TMEM156: variants seen among roughly 807,000 people sequenced by gnomAD.
TMEM156 encodes transmembrane protein 156.
A neutral mutation model predicts 30.5 loss-of-function variants in TMEM156; 28 were observed. The ratio of observed to expected loss-of-function variants is 0.92; its 90% CI spans 0.68 to 1.26. The LOEUF (loss-of-function observed/expected upper bound fraction) is 1.26. Among genes scored for constraint, TMEM156 ranks in the 50% most tolerant of loss-of-function variants. The pLI is 0.00. For missense variants in TMEM156, 351 were observed against 340.6 expected, an observed-to-expected ratio of 1.03 and a Z score of -0.24; for synonymous variants, 137 against 119.9, an observed-to-expected ratio of 1.14 and a Z score of -0.93.
At chr4:38,995,264 A>G (rs1312063861) in intron 2 of TMEM156, among the ~76,000 whole-genome samples, 1 of 152,222 alleles carries the variant, frequency 6.6e-6, no homozygotes, top group Non-Finnish European at 1.5e-5. Context: ...AAATAATGTC[A>G]TATTCTGAGG....
At position 38,998,872 on chromosome 4, in the gene TMEM156, C is replaced by T. The variant is rs1186100788; in HGVS notation, c.126G>A (p.Leu42=). Residue 42 remains leucine, a synonymous_variant, in exon 2 of 7, where the codon TTG becomes TTA. Transcript: ENST00000381938. The part of the protein sequence containing the change: ...TLELSCLEVC[L]QSNFTYSLSS... ...AGAGTGAATAGGTAAAATTAGATTGCAAACACACTTCCAGACATGATAGCT... is the reference window on the plus strand; with the variant it reads ...AGAGTGAATAGGTAAAATTAGATTGTAAACACACTTCCAGACATGATAGCT... 6.2e-7 allele frequency: 1 copy of T among 1,613,524 alleles called. No individual in the cohort carries two copies. Among genetic ancestry groups the T allele is most frequent in the Non-Finnish European group, 8.5e-7 (1 of 1,179,848 alleles).
chr4:38,998,490 G>C (rs914554575), intron 2 of TMEM156, 150 bp downstream of exon 2: 1 of 581,402 alleles, frequency 1.7e-6, no homozygotes, highest in African/African-American at 2.0e-5. Context: ...GTTGCAGTGA[G>C]CTGAGATTGC....
At position 38,981,052 on chromosome 4, in the gene TMEM156, T is replaced by C. The variant is rs1723153863; in HGVS notation, c.823+5284A>G. 7.7e-6 allele frequency: 4 copies of C among 516,172 alleles called. No individual in the cohort carries two copies. In the South Asian group the frequency reaches 3.3e-4, roughly 43 times the overall value. The allele number at this position is 516,172 out of a possible 1,614,324, so 32.0% of individuals were successfully genotyped here. A position where few individuals can be genotyped will look rare whatever the true frequency, so the allele number is the denominator to read the frequency against. On this transcript the variant is annotated intron_variant, in intron 5 of 6. Coordinates refer to ENST00000381938, the MANE Select transcript of TMEM156 (RefSeq NM_024943.3). Reference sequence around the variant, plus strand: ...CATTCTGTAACCAAGCAGATGGCTGTAACCTTTCCTGTTTTATGAACCCAA... The same window carrying C: ...CATTCTGTAACCAAGCAGATGGCTGCAACCTTTCCTGTTTTATGAACCCAA...
At chr4:38,995,615 T>C (rs1712870461) in intron 2 of TMEM156, among the ~76,000 whole-genome samples, 1 of 152,186 alleles carries the variant, frequency 6.6e-6, no homozygotes, top group Non-Finnish European at 1.5e-5. Context: ...CTCCGGAGGC[T>C]GAAGCAGGAA....
intron 5 of TMEM156, among the ~76,000 whole-genome samples, chr4:38,972,560 CTT>C (rs78469567): frequency 7.0e-6 from 1 of 143,754 alleles, no homozygotes; most frequent in Non-Finnish European, 1.5e-5. Context: ...CTCTTTCTTT[CTT>C]TTTTTTTTTT....
chr4:39,015,952 G>C (rs1380568344), intron 1 of TMEM156, among the ~76,000 whole-genome samples: 2 of 152,100 alleles, frequency 1.3e-5, no homozygotes, highest in Non-Finnish European at 2.9e-5. Context: ...CCAGCCACGT[G>C]GAACTGTGAG....
intron 1 of TMEM156, among the ~76,000 whole-genome samples, chr4:39,022,341 T>A (rs1291023224): frequency 2.0e-5 from 3 of 152,250 alleles, no homozygotes; most frequent in Non-Finnish European, 4.4e-5. Flanking sequence ...AGCATATCAC[T>A]TTTTAGTATC....
At chr4:38,989,393 A>G (rs1234739809) in intron 3 of TMEM156, among the ~76,000 whole-genome samples, 2 of 152,212 alleles carry the variant, frequency 1.3e-5, no homozygotes, top group African/African-American at 4.8e-5. Context: ...TACAAGGAAG[A>G]TGGGGAAGAA....
chr4:39,017,482 G>C (rs778598456), intron 1 of TMEM156, among the ~76,000 whole-genome samples: 42 of 151,770 alleles, frequency 2.8e-4, no homozygotes, highest in Non-Finnish European at 5.4e-4. Context: ...CCCAGCCCAA[G>C]TATGTATTTT....
chr4:38,988,162 T>G (rs1174733733), intron 4 of TMEM156, among the ~76,000 whole-genome samples: 1 of 152,210 alleles, frequency 6.6e-6, no homozygotes, highest in Non-Finnish European at 1.5e-5. Flanking sequence ...CCCCCATGCT[T>G]ATTAAAGATC....
At chr4:39,028,765 C>A (rs1372088532) in intron 1 of TMEM156, among the ~76,000 whole-genome samples, 1 of 152,182 alleles carries the variant, frequency 6.6e-6, no homozygotes, top group Non-Finnish European at 1.5e-5. Flanking sequence ...CAAAATATAT[C>A]CACCACTCCC....
At chr4:38,992,369 G>A (rs1712527356) in intron 3 of TMEM156, among the ~76,000 whole-genome samples, 1 of 151,998 alleles carries the variant, frequency 6.6e-6, no homozygotes, top group South Asian at 2.1e-4. Flanking sequence ...TGCTCTCCAG[G>A]AATAGATTTT....
chr4:38,982,487 A>G (rs1711654435), intron 5 of TMEM156, among the ~76,000 whole-genome samples: 1 of 152,208 alleles, frequency 6.6e-6, no homozygotes, highest in South Asian at 2.1e-4. Context: ...TATGCCCTGT[A>G]ATTACTCTGT....
chr4:39,001,499 G>T (rs1713357357), intron 1 of TMEM156, among the ~76,000 whole-genome samples: 2 of 149,244 alleles, frequency 1.3e-5, no homozygotes, highest in Non-Finnish European at 3.0e-5. Flanking sequence ...ATATTTTTAA[G>T]ATTTCTAAAT....
intron 1 of TMEM156, among the ~76,000 whole-genome samples, chr4:39,030,179 T>TAAAA (rs5857658): frequency 6.9e-6 from 1 of 144,150 alleles, no homozygotes; most frequent in Admixed American, 7.0e-5. Flanking sequence ...CCCTGTCTCT[T>TAAAA]AAAAAAAAAA....
intron 1 of TMEM156, among the ~76,000 whole-genome samples, chr4:39,019,687 C>A (rs903206253): frequency 6.6e-6 from 1 of 151,910 alleles, no homozygotes; most frequent in Admixed American, 6.6e-5. Context: ...ACTTAACTAA[C>A]AAAAATTATA....
intron 3 of TMEM156, among the ~76,000 whole-genome samples, chr4:38,990,830 G>GTTTTTTTTTTTTGT (rs1560365255): frequency 4.9e-5 from 4 of 81,214 alleles, no homozygotes; most frequent in African/African-American, 1.8e-4. Flanking sequence ...TTGTTTTCTG[G>GTTTTTTTTTTTTGT]TTTTTTTTTT....
At chr4:39,021,248 T>A (rs1175241828) in intron 1 of TMEM156, among the ~76,000 whole-genome samples, 1 of 149,996 alleles carries the variant, frequency 6.7e-6, no homozygotes, top group Non-Finnish European at 1.5e-5. Flanking sequence ...ACAAAAAAAA[T>A]TTAAAAATTA....
At chr4:39,023,492 T>C (rs1715000515) in intron 1 of TMEM156, among the ~76,000 whole-genome samples, 1 of 152,120 alleles carries the variant, frequency 6.6e-6, no homozygotes. Context: ...AACAAAAAGA[T>C]AGGAGCTACT....
Sources: allele counts gnomAD v4.1 joint callset (sites outside exome capture counted in the v4.1 genomes callset), GRCh38; gene constraint gnomAD v4.1.1; transcripts MANE v1.5; gene names NCBI Gene and HGNC (gene_info 2026-07-23, HGNC 2026-07-21).